The following GPRC5A variants were observed in gnomAD, a reference collection of about 807,000 sequenced individuals.
The protein encoded by GPRC5A is G protein-coupled receptor class C group 5 member A, also known as retinoic acid-induced protein 3.
Under a neutral mutation model 22.5 loss-of-function variants are expected in GPRC5A, and 19 were observed. The observed-to-expected ratio is 0.85, with a 90% CI of 0.59 to 1.24. GPRC5A has a LOEUF of 1.24. Ranked by LOEUF, GPRC5A falls within the 50% of genes most tolerant of loss-of-function variation. The pLI is 0.00. For missense variants in GPRC5A, 471 were observed against 451.1 expected (o/e 1.04, Z -0.40); for synonymous variants, 192 against 184.5 (o/e 1.04, Z -0.33).
intron 2 of GPRC5A, 180 bp downstream of exon 2, chr12:12,909,351 C>G (rs1863979967): frequency 5.2e-6 from 3 of 573,456 alleles, no homozygotes; most frequent in Non-Finnish European, 9.2e-6. Context: ...ACAAGTAGAA[C>G]ACGAAGCTGG....
Position 12,909,024 on chromosome 12 carries a change from G to A in GPRC5A, c.775G>A (p.Ala259Thr), listed in dbSNP as rs149446775. ...TGCCAATGGCTGGGTGTTCCTGTTG[G>A]CTTATGTTAGTCCCGAGTTTTGGCT... The part of the protein sequence containing the change: ...LAANGWVFLL[A>T]YVSPEFWLLT... The change falls in exon 2 of 4, where the codon GCT becomes ACT. Residue 259 changes from alanine (A) to threonine (T), a missense_variant. Coordinates refer to ENST00000014914, the MANE Select transcript of GPRC5A (RefSeq NM_003979.4). 2.5e-6 allele frequency: 4 copies of A among 1,613,382 alleles called. No homozygotes were observed. The highest frequency in any genetic ancestry group is 3.4e-6 in the Non-Finnish European group (4 of 1,180,050).
intron 2 of GPRC5A, among the ~76,000 whole-genome samples, chr12:12,911,234 G>C (rs1486185549): frequency 6.6e-6 from 1 of 152,092 alleles, no homozygotes; most frequent in South Asian, 2.1e-4. Flanking sequence ...AATTTGGTGG[G>C]AAATAAATGA....
Position 12,915,017 on chromosome 12 carries a change from A to ATTTT in GPRC5A, c.*2496_*2499dup, listed in dbSNP as rs60735966. ...AAATCACAAAATACTCTGGATCGGC[A>ATTTT]TTTTTTTTTTTTTTTTTTTTTGAGA... On this transcript the variant is annotated 3_prime_UTR_variant, in exon 4 of 4. Transcript: ENST00000014914. 0.18 allele frequency: 19,877 copies of ATTTT among 108,364 alleles called. 2,516 individuals are homozygous for ATTTT. The highest frequency in any genetic ancestry group is 0.63 in the East Asian group (2,088 of 3,296). 6.7% of individuals were successfully genotyped at this position (108,364 alleles called of 1,614,324 possible).
intron 1 of GPRC5A, among the ~76,000 whole-genome samples, chr12:12,900,134 G>A (rs1041976024): frequency 6.6e-6 from 1 of 152,210 alleles, no homozygotes; most frequent in African/African-American, 2.4e-5. Context: ...TGCTCCAGGA[G>A]CCTCTGGCTT....
In GPRC5A at chr12:12,916,166, A is replaced by G; in HGVS notation, c.*3627A>G. On this transcript the variant is annotated 3_prime_UTR_variant, in exon 4 of 4. Transcript: ENST00000014914. Reference sequence around the variant, plus strand: ...CGAAGCCGTTCTTATAAGTGTCTCCATCTCTACCTGGGCTGAAATGGAATG... The same window carrying G: ...CGAAGCCGTTCTTATAAGTGTCTCCGTCTCTACCTGGGCTGAAATGGAATG... The G allele has an allele frequency of 6.1e-6, 1 of 163,854 alleles. No individual in the cohort carries two copies. The highest frequency in any genetic ancestry group is 1.8e-4 in the East Asian group (1 of 5,444). The allele number at this position is 163,854 out of a possible 1,614,324, so 10.2% of individuals were successfully genotyped here.
Position 12,912,880 on chromosome 12 carries a change from G to T in GPRC5A, c.*341G>T, listed in dbSNP as rs1444454265. ...TCTGTCACCCAGGCTTGAGTGCAGT[G>T]GTGCGATCACAGCCCAGTGCAGCCT... On this transcript the variant is annotated 3_prime_UTR_variant, in exon 4 of 4. Transcript: ENST00000014914. The T allele has an allele frequency of 8.5e-6, 2 of 234,202 alleles. No individual in the cohort carries two copies. The highest frequency in any genetic ancestry group is 1.7e-5 in the Non-Finnish European group (2 of 120,786). 14.5% of individuals were successfully genotyped at this position (234,202 alleles called of 1,614,324 possible).
At position 12,899,935 on chromosome 12, in the gene GPRC5A, C is replaced by T. The variant is rs187389374; in HGVS notation, c.-8+8271C>T. 5.7e-3 allele frequency among the ~76,000 whole-genome samples: 861 copies of T among 152,266 alleles called. 4 individuals are homozygous for T. The highest frequency in any genetic ancestry group is 0.014 in the Middle Eastern group (4 of 294). On this transcript the variant is annotated intron_variant, in intron 1 of 3. Coordinates refer to ENST00000014914, the MANE Select transcript of GPRC5A (RefSeq NM_003979.4). ...TTCTCAGATGCTCTGGGAAGGACTG[C>T]GTAGAATAAGCATGGGCAAACTTCC...
At chr12:12,908,066 A>G (rs1390958840) in intron 1 of GPRC5A, among the ~76,000 whole-genome samples, 177 bp from the exon 2 acceptor site, 1 of 152,230 alleles carries the variant, frequency 6.6e-6, no homozygotes, top group Non-Finnish European at 1.5e-5. Flanking sequence ...AGGTTTTAGA[A>G]TTTACTACAG....
At chr12:12,900,905 A>AAC (rs1555104701) in intron 1 of GPRC5A, among the ~76,000 whole-genome samples, 11 of 123,190 alleles carry the variant, frequency 8.9e-5, no homozygotes, top group South Asian at 4.8e-4. Context: ...AAAAAAAAAA[A>AAC]AAAAAAAACA....
chr12:12,908,542 T>C lies in GPRC5A; in HGVS notation c.293T>C (p.Phe98Ser). ...GLDGSTGPTR[F>S]FLFGILFSIC... ...GACGGGAGCACAGGGCCCACACGCTTCTTCCTCTTTGGGATCCTCTTTTCC... is the reference window on the plus strand; with the variant it reads ...GACGGGAGCACAGGGCCCACACGCTCCTTCCTCTTTGGGATCCTCTTTTCC... The change falls in exon 2 of 4, where the codon TTC (phenylalanine) becomes TCC (serine). Residue 98 changes from phenylalanine (F) to serine (S), a missense_variant. Physicochemically the swap from Phe to Ser is radical, Grantham distance 155. Transcript: ENST00000014914. The C allele has an allele frequency of 6.2e-7, 1 of 1,614,170 alleles. No homozygotes were observed. The highest frequency in any genetic ancestry group is 8.5e-7 in the Non-Finnish European group (1 of 1,180,040).
chr12:12,903,733 G>A (rs1009743141), intron 1 of GPRC5A, among the ~76,000 whole-genome samples: 1 of 152,226 alleles, frequency 6.6e-6, no homozygotes, highest in Non-Finnish European at 1.5e-5. Flanking sequence ...ATCCTGGTCT[G>A]TGGGTTCTAT....
rs1262721644 is a variant in GPRC5A at position 12,908,638 on chromosome 12, C to T, written c.389C>T (p.Ser130Phe). The T allele has an allele frequency of 8.1e-6, 13 of 1,613,790 alleles. No homozygotes were observed. Among genetic ancestry groups the T allele is most frequent in the South Asian group, 1.1e-5 (1 of 91,032 alleles). Residue 130 changes from serine to phenylalanine, a missense_variant, in exon 2 of 4, where the codon TCC (serine) becomes TTC (phenylalanine). Ser to Phe is a radical substitution (Grantham distance 155). Transcript: ENST00000014914. ...CTCGTCCGGGGGAGGAAGCCCCTTT[C>T]CCTGTTGGTGATTCTGGGTCTGGCC... ...TKLVRGRKPL[S>F]LLVILGLAVG...
chr12:12,900,807 T>C (rs1863875365), intron 1 of GPRC5A, among the ~76,000 whole-genome samples: 1 of 146,062 alleles, frequency 6.8e-6, no homozygotes, highest in Non-Finnish European at 1.5e-5. Context: ...GGAGAATCAC[T>C]TGAACCTGGG....
intron 1 of GPRC5A, among the ~76,000 whole-genome samples, chr12:12,895,821 C>CAAAAAAAAAAAAAAA (rs34696528): frequency 2.6e-5 from 2 of 75,644 alleles, no homozygotes; most frequent in Non-Finnish European, 4.6e-5. Flanking sequence ...ACTAAAAATA[C>CAAAAAAAAAAAAAAA]AAAAAAAAAA....
intron 1 of GPRC5A, among the ~76,000 whole-genome samples, chr12:12,896,291 C>T (rs1220790816): frequency 6.6e-6 from 1 of 152,094 alleles, no homozygotes; most frequent in Non-Finnish European, 1.5e-5. Flanking sequence ...GCCTGTGGTG[C>T]TATGATGACT....
intron 1 of GPRC5A, among the ~76,000 whole-genome samples, chr12:12,901,340 C>A (rs1023121681): frequency 6.6e-6 from 1 of 152,184 alleles, no homozygotes; most frequent in East Asian, 1.9e-4. Context: ...CATGGCCAGG[C>A]GCTCCTAATC....
At chr12:12,902,417 G>C (rs942925851) in intron 1 of GPRC5A, among the ~76,000 whole-genome samples, 3 of 151,810 alleles carry the variant, frequency 2.0e-5, no homozygotes, top group Admixed American at 6.6e-5. Flanking sequence ...TGATAATAAA[G>C]GATTCTTGTT....
chr12:12,897,227 T>TAAAAAAAA lies in GPRC5A; in HGVS notation c.-8+5576_-8+5583dup. Reference sequence around the variant, plus strand: ...TGGAGTACAGAGCAAGACCCTGTCTTAAAAAAAAAAAAAAAAAAAAGGCCA... The same window carrying TAAAAAAAA: ...TGGAGTACAGAGCAAGACCCTGTCTTAAAAAAAAAAAAAAAAAAAAAAAAAAAAGGCCA... On this transcript the variant is annotated intron_variant, in intron 1 of 3. Transcript: ENST00000014914. Among the ~76,000 whole-genome samples the TAAAAAAAA allele has an allele frequency of 2.3e-5, 2 of 88,294 alleles. 1 individual carries two copies. The highest frequency in any genetic ancestry group is 4.1e-5 in the Non-Finnish European group (2 of 48,810). 57.9% of individuals were successfully genotyped at this position (88,294 alleles called of 152,430 possible).
chr12:12,892,462 G>C (rs1863771477), intron 1 of GPRC5A, among the ~76,000 whole-genome samples: 1 of 152,114 alleles, frequency 6.6e-6, no homozygotes, highest in Non-Finnish European at 1.5e-5. Context: ...CCACCTCCCG[G>C]GTTCAAGCGA....
Sources: allele counts gnomAD v4.1 joint callset (sites outside exome capture counted in the v4.1 genomes callset), GRCh38; gene constraint gnomAD v4.1.1; transcripts MANE v1.5; gene names NCBI Gene and HGNC (gene_info 2026-07-23, HGNC 2026-07-21).